HTR1E: variants seen among roughly 807,000 people sequenced by gnomAD.
HTR1E encodes the protein 5-hydroxytryptamine receptor 1E, also known as 5-HT-1E.
In HTR1E, 3 loss-of-function variants were observed where a neutral mutation model predicts 3.4. The observed-to-expected ratio is 0.89, with a 90% CI of 0.41 to 2.31. The LOEUF is 2.31. HTR1E is among the 30% of genes most tolerant of loss of function. The pLI, the probability that HTR1E is intolerant of heterozygous loss-of-function variation, is 0.05. For missense variants in HTR1E, 392 were observed against 467.0 expected (o/e 0.84, Z 1.48); for synonymous variants, 170 against 182.8 (o/e 0.93, Z 0.56).
intron 1 of HTR1E, among the ~76,000 whole-genome samples, chr6:86,950,844 G>A (rs1215819091): frequency 6.6e-6 from 1 of 152,128 alleles, no homozygotes; most frequent in Admixed American, 6.6e-5. Context: ...ACACATTGGG[G>A]TAAACCAAAA....
intron 1 of HTR1E, among the ~76,000 whole-genome samples, chr6:86,949,428 T>C (rs1767189377): frequency 6.6e-6 from 1 of 152,228 alleles, no homozygotes; most frequent in African/African-American, 2.4e-5. Context: ...CCTATTTCAC[T>C]CATGCAGAGA....
intron 1 of HTR1E, among the ~76,000 whole-genome samples, chr6:87,004,829 A>G (rs900512961): frequency 2.0e-5 from 3 of 152,328 alleles, no homozygotes; most frequent in Admixed American, 1.3e-4. Context: ...ATGATCTTAT[A>G]TTTGGAATAA....
chr6:86,984,027 A>G (rs1204134073), intron 1 of HTR1E, among the ~76,000 whole-genome samples: 1 of 152,064 alleles, frequency 6.6e-6, no homozygotes, highest in Non-Finnish European at 1.5e-5. Context: ...GTTAACCTAT[A>G]TTTACATTTA....
At chr6:86,962,485 G>A (rs537574309) in intron 1 of HTR1E, among the ~76,000 whole-genome samples, 1 of 152,188 alleles carries the variant, frequency 6.6e-6, no homozygotes, top group African/African-American at 2.4e-5. Context: ...ATGGCACAAT[G>A]CATTACTCAT....
chr6:86,969,975 G>A (rs934742716), intron 1 of HTR1E, among the ~76,000 whole-genome samples: 1 of 152,178 alleles, frequency 6.6e-6, no homozygotes, highest in African/African-American at 2.4e-5. Flanking sequence ...GGAGGGACAG[G>A]GAAAGCCATC....
Position 87,000,835 on chromosome 6 carries a change from A to T in HTR1E, c.-185-14315A>T, listed in dbSNP as rs77441054. ...AAAATGCACTGGAAATAGTACACAA[A>T]CAAACACAATATTATAACCCTATAA... On this transcript the variant is annotated intron_variant, in intron 1 of 1. Transcript: ENST00000305344. 9.5e-3 allele frequency among the ~76,000 whole-genome samples: 1,453 copies of T among 152,270 alleles called. 14 individuals carry two copies. The highest frequency in any genetic ancestry group is 0.015 in the Non-Finnish European group (1,022 of 68,010).
Position 87,016,126 on chromosome 6 carries a change from G to C in HTR1E, c.792G>C (p.Arg264Ser), listed in dbSNP as rs775859192. Reference sequence around the variant, plus strand: ...TTGAAAAGTTCCATGCCTCCATCAGGATCCCCCCCTTCGACAATGATCTAG... The same window carrying C: ...TTGAAAAGTTCCATGCCTCCATCAGCATCCCCCCCTTCGACAATGATCTAG... ...TEFEKFHASI[R>S]IPPFDNDLDH... Residue 264 changes from arginine to serine, a missense_variant, in exon 2 of 2, where the codon AGG becomes AGC. Arg to Ser is a moderately radical substitution (Grantham distance 110). Transcript: ENST00000305344. The C allele has an allele frequency of 4.3e-6, 7 of 1,614,096 alleles. No individual in the cohort carries two copies. Among genetic ancestry groups the C allele is most frequent in the Non-Finnish European group, 5.9e-6 (7 of 1,180,014 alleles).
At chr6:87,008,241 T>G (rs1768147312) in intron 1 of HTR1E, among the ~76,000 whole-genome samples, 1 of 152,202 alleles carries the variant, frequency 6.6e-6, no homozygotes, top group African/African-American at 2.4e-5. Flanking sequence ...ATCCTCCCAC[T>G]GCTTCTACTG....
chr6:86,967,115 C>T (rs1291534467), intron 1 of HTR1E, among the ~76,000 whole-genome samples: 6 of 152,076 alleles, frequency 3.9e-5, no homozygotes. Context: ...AGCTAAAGAG[C>T]AAGTGCAATT....
chr6:86,985,664 A>G (rs1767774991), intron 1 of HTR1E, among the ~76,000 whole-genome samples: 3 of 152,116 alleles, frequency 2.0e-5, no homozygotes, highest in Admixed American at 2.0e-4. Context: ...AGATAAATTA[A>G]CTGGGTGATG....
chr6:86,997,464 C>A (rs529143043), intron 1 of HTR1E, among the ~76,000 whole-genome samples: 1 of 151,492 alleles, frequency 6.6e-6, no homozygotes, highest in African/African-American at 2.4e-5. Context: ...TACAAAAAAA[C>A]TCATATCTAA....
chr6:86,985,328 G>C (rs1767770504), intron 1 of HTR1E, among the ~76,000 whole-genome samples: 1 of 152,074 alleles, frequency 6.6e-6, no homozygotes, highest in South Asian at 2.1e-4. Flanking sequence ...TCCTTAAATA[G>C]CATTAAAATG....
At chr6:86,989,232 C>T (rs1442566724) in intron 1 of HTR1E, among the ~76,000 whole-genome samples, 1 of 152,126 alleles carries the variant, frequency 6.6e-6, no homozygotes, top group East Asian at 1.9e-4. Flanking sequence ...TCTTCTCTCC[C>T]CAAGCAGCTC....
At chr6:86,997,364 A>G (rs1422594353) in intron 1 of HTR1E, among the ~76,000 whole-genome samples, 2 of 150,960 alleles carry the variant, frequency 1.3e-5, no homozygotes, top group African/African-American at 4.9e-5. Flanking sequence ...ACGAGAATAA[A>G]AAAGAGAAGA....
At chr6:86,943,070 T>C (rs1768566794) in intron 1 of HTR1E, among the ~76,000 whole-genome samples, 1 of 152,242 alleles carries the variant, frequency 6.6e-6, no homozygotes. Flanking sequence ...CTCAGACTTA[T>C]GTACCATTAG....
chr6:86,980,326 G>T (rs967319432), intron 1 of HTR1E, among the ~76,000 whole-genome samples: 8 of 151,304 alleles, frequency 5.3e-5, no homozygotes, highest in Middle Eastern at 3.2e-3. Flanking sequence ...GGCGGAGCTT[G>T]CAGTGAGCCA....
At position 87,015,636 on chromosome 6, in the gene HTR1E, T is replaced by G. The variant is rs1582288736; in HGVS notation, c.302T>G (p.Val101Gly). 1 of 1,614,160 alleles carries G rather than the reference T, an allele frequency of 6.2e-7. No individual in the cohort carries two copies. The highest frequency in any genetic ancestry group is 8.5e-7 in the Non-Finnish European group (1 of 1,180,024). ...TTCCTCTGTGAGGTGTGGCTGAGTG[T>G]GGACATGACCTGCTGCACCTGCTCC... ...GYFLCEVWLS[V>G]DMTCCTCSIL... is the part of the protein sequence containing the mutation. The change falls in exon 2 of 2, where the codon GTG (valine) becomes GGG (glycine). Residue 101 changes from valine to glycine, a missense_variant. Coordinates refer to ENST00000305344, the MANE Select transcript of HTR1E (RefSeq NM_000865.3).
intron 1 of HTR1E, among the ~76,000 whole-genome samples, chr6:87,001,946 CCAAA>C (rs1562071871): frequency 3.3e-5 from 5 of 151,716 alleles, no homozygotes; most frequent in Admixed American, 2.0e-4. Flanking sequence ...CCAATGGAAA[CCAAA>C]AAAGATGAGG....
intron 1 of HTR1E, among the ~76,000 whole-genome samples, chr6:86,940,466 G>T (rs576594841): frequency 6.6e-6 from 1 of 152,294 alleles, no homozygotes; most frequent in African/African-American, 2.4e-5. Flanking sequence ...AGCCCAGAAA[G>T]CCAAAGTTGC....
Sources: allele counts gnomAD v4.1 joint callset (sites outside exome capture counted in the v4.1 genomes callset), GRCh38; gene constraint gnomAD v4.1.1; transcripts MANE v1.5; gene names NCBI Gene and HGNC (gene_info 2026-07-23, HGNC 2026-07-21).